The following ZKSCAN3 variants were observed in gnomAD, a reference collection of about 807,000 sequenced individuals.
ZKSCAN3 encodes the protein zinc finger with KRAB and SCAN domains 3.
A neutral mutation model predicts 30.7 loss-of-function variants in ZKSCAN3; 21 were observed. The observed-to-expected ratio is 0.68, with a 90% confidence interval of 0.49 to 0.99. The LOEUF (loss-of-function observed/expected upper bound fraction) is 0.99. Ranked by LOEUF, ZKSCAN3 falls within the 50% of genes least tolerant of loss-of-function variation. The pLI is 0.00. For missense variants in ZKSCAN3, 507 were observed against 647.1 expected (o/e 0.78, Z 2.35); for synonymous variants, 201 against 246.7 (o/e 0.81, Z 1.73).
rs1160354899 is a variant in ZKSCAN3 at position 28,359,705 on chromosome 6, T to C, written c.119T>C (p.Leu40Pro). Reference protein sequence around the residue: ...EEAGFPSSPDLGSEGSRERFR... With the variant: ...EEAGFPSSPDPGSEGSRERFR... ...GCCGGTTTTCCCAGTAGCCCAGATC[T>C]GGGTTCTGAGGGCTCCCGCGAGCGC... The change falls in exon 2 of 6, where the codon CTG (leucine) becomes CCG (proline). Residue 40 changes from leucine to proline, a missense_variant. Physicochemically the swap from Leu to Pro is moderately conservative, Grantham distance 98 (BLOSUM62 -3). Transcript: ENST00000252211. The C allele has an allele frequency of 1.2e-6, 2 of 1,614,200 alleles. No homozygotes were observed. The highest frequency in any genetic ancestry group is 1.1e-5 in the South Asian group (1 of 91,086).
rs1333296746 is a variant in ZKSCAN3, at chr6:28,368,047, A to G, written c.*1762A>G. 4 of 99,964 alleles carry G rather than the reference A, an allele frequency of 4.0e-5. No individual in the cohort carries two copies. The East Asian group carries it at 1.4e-3, about 34-fold the overall frequency. 6.2% of individuals were successfully genotyped at this position (99,964 alleles called of 1,614,324 possible). ...GCTTTCCCTCCCCCCACCCCACAACAGGCCCCAGTGTGTGATGTTCCCCTT... is the reference window on the plus strand; with the variant it reads ...GCTTTCCCTCCCCCCACCCCACAACGGGCCCCAGTGTGTGATGTTCCCCTT... On this transcript the variant is annotated 3_prime_UTR_variant, in exon 6 of 6. Coordinates refer to ENST00000252211, the MANE Select transcript of ZKSCAN3 (RefSeq NM_024493.4).
intron 2 of ZKSCAN3, among the ~76,000 whole-genome samples, chr6:28,360,891 G>GTTAGGTGA (rs939442006): frequency 6.6e-6 from 1 of 152,166 alleles, no homozygotes; most frequent in African/African-American, 2.4e-5. Flanking sequence ...GCCAGGCCAT[G>GTTAGGTGA]TTAGGTGATT....
At position 28,365,666 on chromosome 6, in the gene ZKSCAN3, G is replaced by A. The variant is rs778475648; in HGVS notation, c.998G>A (p.Arg333Lys). ...FAQSSGLSKH[R>K]RIHTGEKPYE... is the part of the protein sequence containing the mutation. ...CAAAGCTCAGGCCTGAGTAAACACAGGAGAATCCACACTGGTGAGAAACCC... is the reference window on the plus strand; with the variant it reads ...CAAAGCTCAGGCCTGAGTAAACACAAGAGAATCCACACTGGTGAGAAACCC... The change falls in exon 6 of 6, where the codon AGG becomes AAG. Residue 333 changes from arginine to lysine, a missense_variant. Physicochemically the swap from Arg to Lys is conservative, Grantham distance 26. Transcript: ENST00000252211. 2 of 1,614,122 alleles carry A rather than the reference G, an allele frequency of 1.2e-6. No homozygotes were observed. Among genetic ancestry groups the A allele is most frequent in the African/African-American group, 2.7e-5 (2 of 74,950 alleles).
intron 1 of ZKSCAN3, among the ~76,000 whole-genome samples, chr6:28,352,993 T>C (rs1432148533): frequency 2.0e-5 from 3 of 150,364 alleles, no homozygotes; most frequent in Non-Finnish European, 4.4e-5. Context: ...AGGCAGAGTC[T>C]TGCTCTGTTG....
At position 28,363,619 on chromosome 6, in the gene ZKSCAN3, G is replaced by A; in HGVS notation, c.634-73G>A. On this transcript the variant is annotated intron_variant, in intron 4 of 5. Coordinates refer to ENST00000252211, the MANE Select transcript of ZKSCAN3 (RefSeq NM_024493.4). ...GCTGTTGGCAGGAATGGGGCCTGGGGGTGCTTCCCAGATCTTCCCCACTCC... is the reference window on the plus strand; with the variant it reads ...GCTGTTGGCAGGAATGGGGCCTGGGAGTGCTTCCCAGATCTTCCCCACTCC... 2.5e-6 allele frequency: 4 copies of A among 1,601,538 alleles called. No homozygotes were observed. In the South Asian group the frequency reaches 3.3e-5, roughly 13 times the overall value.
At chr6:28,350,320 G>T (rs1561927215) in intron 1 of ZKSCAN3, 1 of 152,210 alleles carries the variant, frequency 6.6e-6, no homozygotes, top group Non-Finnish European at 1.5e-5. Flanking sequence ...TTGGAGACGG[G>T]ATGCATGGGT....
rs1461226163 is a variant in ZKSCAN3 at position 28,363,367 on chromosome 6, G to A, written c.615G>A (p.Arg205=). Residue 205 remains arginine, a synonymous_variant, in exon 4 of 6, where the codon AGG becomes AGA. Transcript: ENST00000252211. ...CCREDKVVAS[R]LTPESQGLLK... ...GAGAAGATAAAGTGGTAGCTTCTAG[G>A]CTTACTCCAGAGTCCCAGGTGAGCT... The A allele has an allele frequency of 6.2e-7, 1 of 1,613,912 alleles. No homozygotes were observed. The highest frequency in any genetic ancestry group is 8.5e-7 in the Non-Finnish European group (1 of 1,179,930).
chr6:28,354,108 A>C, intron 1 of ZKSCAN3: 1 of 365,888 alleles, frequency 2.7e-6, no homozygotes, highest in Non-Finnish European at 5.4e-6. Flanking sequence ...ACTCCTTGGC[A>C]TGCTTGTTAA....
At chr6:28,358,314 A>G (rs1021413891) in intron 1 of ZKSCAN3, among the ~76,000 whole-genome samples, 1 of 152,196 alleles carries the variant, frequency 6.6e-6, no homozygotes, top group Admixed American at 6.5e-5. Context: ...CCTCCTGAGT[A>G]GCTGGGACTG....
intron 1 of ZKSCAN3, among the ~76,000 whole-genome samples, chr6:28,352,372 C>T (rs1428987887): frequency 1.3e-5 from 2 of 152,224 alleles, no homozygotes; most frequent in East Asian, 3.9e-4. Flanking sequence ...CATGCAACAG[C>T]CTCCCAAGTA....
In ZKSCAN3 at chr6:28,367,439, C is replaced by T. The variant is rs1035388349; in HGVS notation, c.*1154C>T. 1 of 151,738 alleles carries T rather than the reference C, an allele frequency of 6.6e-6. No homozygotes were observed. The allele number at this position is 151,738 out of a possible 1,614,324, so 9.4% of individuals were successfully genotyped here. The stretch of plus-strand genomic sequence containing the variant: ...TACTGGAATTACAGGCGTGAGCCAC[C>T]ATACCCAGCCCAAATTTCACTCTTT... On this transcript the variant is annotated 3_prime_UTR_variant, in exon 6 of 6. Coordinates refer to ENST00000252211, the MANE Select transcript of ZKSCAN3 (RefSeq NM_024493.4).
Position 28,366,465 on chromosome 6 carries a change from T to A in ZKSCAN3, c.*180T>A, listed in dbSNP as rs747189946. On this transcript the variant is annotated 3_prime_UTR_variant, in exon 6 of 6. Coordinates refer to ENST00000252211, the MANE Select transcript of ZKSCAN3 (RefSeq NM_024493.4). The stretch of plus-strand genomic sequence containing the variant: ...TCTAAGTTCTAGAAGGGGTTTGTAA[T>A]CAAAACATATTTGATAGGAGGCTAC... 37 of 626,370 alleles carry A rather than the reference T, an allele frequency of 5.9e-5. No individual in the cohort carries two copies. Among genetic ancestry groups the A allele is most frequent in the Non-Finnish European group, 8.0e-5 (33 of 410,616 alleles). 38.8% of individuals were successfully genotyped at this position (626,370 alleles called of 1,614,324 possible).
chr6:28,365,775 A>G lies in ZKSCAN3; in HGVS notation c.1107A>G (p.Pro369=), dbSNP rs1158513003. Residue 369 remains proline (P), a synonymous_variant, in exon 6 of 6, where the codon CCA becomes CCG. Coordinates refer to ENST00000252211, the MANE Select transcript of ZKSCAN3 (RefSeq NM_024493.4). ...AGAGAGTCCACACTGGTGAGAAGCC[A>G]TATGAGTGTGAAGAATGTGGTAAGG... ...IHQRVHTGEK[P]YECEECGKAF... is the part of the protein sequence containing the mutation. 3 of 1,613,884 alleles carry G rather than the reference A, an allele frequency of 1.9e-6. No individual in the cohort carries two copies. The highest frequency in any genetic ancestry group is 3.3e-5 in the Admixed American group (2 of 60,012).
At chr6:28,359,423 A>G in intron 1 of ZKSCAN3, 102 bp from the exon 2 acceptor site, 1 of 845,996 alleles carries the variant, frequency 1.2e-6, no homozygotes, top group Non-Finnish European at 1.8e-6. Context: ...GAACATGGAG[A>G]AATTTCTGCA....
intron 1 of ZKSCAN3, 148 bp from the exon 2 acceptor site, chr6:28,359,377 T>G: frequency 8.3e-6 from 5 of 601,762 alleles, no homozygotes; most frequent in Non-Finnish European, 8.6e-6. Context: ...GGATTCAGGT[T>G]TGGGGTGGTG....
intron 1 of ZKSCAN3, among the ~76,000 whole-genome samples, chr6:28,359,051 A>G (rs1765615753): frequency 6.6e-6 from 1 of 152,100 alleles, no homozygotes; most frequent in African/African-American, 2.4e-5. Context: ...AGGCTCTGAG[A>G]GGAATCTACT....
At chr6:28,354,052 C>A in intron 1 of ZKSCAN3, 1 of 424,018 alleles carries the variant, frequency 2.4e-6, no homozygotes, top group Non-Finnish European at 4.8e-6. Context: ...CAGCCCTTCT[C>A]AGCAAACGGC....
Position 28,359,897 on chromosome 6 carries a change from G to A in ZKSCAN3, c.311G>A (p.Ser104Asn), listed in dbSNP as rs376377398. 2 of 1,614,110 alleles carry A rather than the reference G, an allele frequency of 1.2e-6. No homozygotes were observed. Among genetic ancestry groups the A allele is most frequent in the Non-Finnish European group, 1.7e-6 (2 of 1,180,028 alleles). Reference protein sequence around the residue: ...FLTILPGNLQSWVREQHPESG... With the variant: ...FLTILPGNLQNWVREQHPESG... ...ACCATCCTGCCGGGGAATCTGCAGA[G>A]CTGGGTGCGGGAGCAGCATCCAGAG... The change falls in exon 2 of 6, where the codon AGC becomes AAC. Residue 104 changes from serine to asparagine, a missense_variant. Physicochemically the swap from Ser to Asn is conservative, Grantham distance 46. Transcript: ENST00000252211.
Position 28,359,196 on chromosome 6 carries a change from C to A in ZKSCAN3, c.-62-329C>A, listed in dbSNP as rs192488863. On this transcript the variant is annotated intron_variant, in intron 1 of 5. Coordinates refer to ENST00000252211, the MANE Select transcript of ZKSCAN3 (RefSeq NM_024493.4). Reference sequence around the variant, plus strand: ...TAGGGTCATCTTAGAATTTAGACAACCACAGACCTGGTTGGTAATGGGATA... The same window carrying A: ...TAGGGTCATCTTAGAATTTAGACAAACACAGACCTGGTTGGTAATGGGATA... Among the ~76,000 whole-genome samples, 9 of 152,248 alleles carry A rather than the reference C, an allele frequency of 5.9e-5. No homozygotes were observed. In the East Asian group the frequency reaches 1.7e-3, roughly 30 times the overall value.
Sources: allele counts gnomAD v4.1 joint callset (sites outside exome capture counted in the v4.1 genomes callset), GRCh38; gene constraint gnomAD v4.1.1; transcripts MANE v1.5; gene names NCBI Gene and HGNC (gene_info 2026-07-23, HGNC 2026-07-21).